Variants in NOC2L observed in about 807,000 individuals in gnomAD.
NOC2L encodes nucleolar complex protein 2 homolog.
NOC2L carries 101 observed loss-of-function variants against 94.2 expected under a neutral mutation model. That is an observed-to-expected ratio of 1.07 (90% CI 0.91 to 1.26). The LOEUF (loss-of-function observed/expected upper bound fraction) is 1.26. NOC2L is among the 50% of genes most tolerant of loss of function. NOC2L has a pLI of 0.00. For missense variants in NOC2L, 1,076 were observed against 980.1 expected (o/e 1.10, Z -1.31); for synonymous variants, 531 against 413.4 (o/e 1.28, Z -3.45).
chr1:945,112 C>T lies in NOC2L; in HGVS notation c.2088G>A (p.Val696=). The part of the protein sequence containing the change: ...ILRPLSTRHG[V]EDDEEDEEEG... ...CCTCCTCGTCCTCTTCATCGTCTTCCACCCCATGCCGAGTGCTCAGGGGCC... is the reference window on the plus strand; with the variant it reads ...CCTCCTCGTCCTCTTCATCGTCTTCTACCCCATGCCGAGTGCTCAGGGGCC... Residue 696 remains valine (V), a synonymous_variant, in exon 18 of 19, where the codon GTG becomes GTA. Coordinates refer to ENST00000327044, the MANE Select transcript of NOC2L (RefSeq NM_015658.4). 1 of 1,613,338 alleles carries T rather than the reference C, an allele frequency of 6.2e-7. No homozygotes were observed. Among genetic ancestry groups the T allele is most frequent in the Non-Finnish European group, 8.5e-7 (1 of 1,179,614 alleles).
At chr1:949,025 G>A (rs1436656644) in intron 12 of NOC2L, among the ~76,000 whole-genome samples, 1 of 116,626 alleles carries the variant, frequency 8.6e-6, no homozygotes, top group Non-Finnish European at 1.8e-5. Context: ...TCCGTCCCGA[G>A]CAACCAGAAG....
rs1297630125 is a variant in NOC2L at position 944,416 on chromosome 1, C to T, written c.*278G>A. 4.4e-6 allele frequency: 5 copies of T among 1,130,782 alleles called. No individual in the cohort carries two copies. In the South Asian group the frequency reaches 6.3e-5, roughly 14 times the overall value. 70.0% of individuals were successfully genotyped at this position (1,130,782 alleles called of 1,614,324 possible). ...GGGGCCTGCAGGCCTCCCCCTGGAA[C>T]TGGGACTGGTCTCGGTCTGCTGACG... is the stretch of plus-strand genomic sequence containing the variant. On this transcript the variant is annotated 3_prime_UTR_variant, in exon 19 of 19. Coordinates refer to ENST00000327044, the MANE Select transcript of NOC2L (RefSeq NM_015658.4).
rs780956686 is a variant in NOC2L at position 954,031 on chromosome 1, G to T, written c.750C>A (p.Ile250=). ...SPLWGKLRVD[I]KAYLGSAIQL... ...GTATGGCCGAGCCCAGGTAAGCCTT[G>T]ATGTCCACACGAAGCTTCCCCCAGA... Residue 250 remains isoleucine (I), a synonymous_variant, in exon 7 of 19, where the codon ATC becomes ATA. Coordinates refer to ENST00000327044, the MANE Select transcript of NOC2L (RefSeq NM_015658.4). 9 of 1,608,212 alleles carry T rather than the reference G, an allele frequency of 5.6e-6. No individual in the cohort carries two copies. Among genetic ancestry groups the T allele is most frequent in the Non-Finnish European group, 7.7e-6 (9 of 1,176,018 alleles).
chr1:955,550 G>C (rs562997591), intron 6 of NOC2L, among the ~76,000 whole-genome samples: 47 of 152,318 alleles, frequency 3.1e-4, no homozygotes, highest in South Asian at 4.1e-4. Flanking sequence ...CACAGCTCCA[G>C]GAAACAGGCC....
intron 14 of NOC2L, among the ~76,000 whole-genome samples, chr1:947,438 A>C (rs1245985743): frequency 6.6e-6 from 1 of 152,220 alleles, no homozygotes; most frequent in East Asian, 1.9e-4. Flanking sequence ...GGCTCATGTG[A>C]GCAGATCCCT....
Position 954,068 on chromosome 1 carries a change from G to C in NOC2L, c.713C>G (p.Ser238Cys). 2 of 1,611,292 alleles carry C rather than the reference G, an allele frequency of 1.2e-6. No homozygotes were observed. Among genetic ancestry groups the C allele is most frequent in the East Asian group, 4.5e-5 (2 of 44,806 alleles). Residue 238 changes from serine to cysteine, a missense_variant, in exon 7 of 19, where the codon TCC (serine) becomes TGC (cysteine). This residue lies in a region of NOC2L where 457 missense variants were observed against 386.0 expected (regional missense o/e 1.18). Transcript: ENST00000327044. ...AKDSSRMLQPSSSPLWGKLRV... is the reference protein window; with the variant it reads ...AKDSSRMLQPCSSPLWGKLRV... ...AAGCTTCCCCCAGAGCGGGCTGCTGGACGGCTGCAGCATCCTGCAGAGAGA... is the reference window on the plus strand; with the variant it reads ...AAGCTTCCCCCAGAGCGGGCTGCTGCACGGCTGCAGCATCCTGCAGAGAGA...
chr1:944,383 AG>A lies in NOC2L; in HGVS notation c.*310del, dbSNP rs1322262681. ...GCAGACGGAGGGCAGAGGTGGTGGAAGGGGCCAGGGGCCTGCAGGCCTCCCC... is the reference window on the plus strand; with the variant it reads ...GCAGACGGAGGGCAGAGGTGGTGGAAGGGCCAGGGGCCTGCAGGCCTCCCC... On this transcript the variant is annotated 3_prime_UTR_variant, in exon 19 of 19. Coordinates refer to ENST00000327044, the MANE Select transcript of NOC2L (RefSeq NM_015658.4). 2 of 1,297,978 alleles carry A rather than the reference AG, an allele frequency of 1.5e-6. No individual in the cohort carries two copies. The highest frequency in any genetic ancestry group is 2.0e-6 in the Non-Finnish European group (2 of 1,009,776). The allele number at this position is 1,297,978 out of a possible 1,614,324, so 80.4% of individuals were successfully genotyped here.
chr1:944,234 ATTTC>A lies in NOC2L; in HGVS notation c.*456_*459del, dbSNP rs1642011657. The A allele has an allele frequency of 2.1e-6, 3 of 1,458,106 alleles. No homozygotes were observed. Among genetic ancestry groups the A allele is most frequent in the Non-Finnish European group, 2.7e-6 (3 of 1,106,316 alleles). The allele number at this position is 1,458,106 out of a possible 1,614,324, so 90.3% of individuals were successfully genotyped here. A position where few individuals can be genotyped will look rare whatever the true frequency, so the allele number is the denominator to read the frequency against. ...CAATGGCCCTGCCTCCCACCGCTTT[ATTTC>A]TTTCGGTTTCGGATGCAAAACAAAA... On this transcript the variant is annotated 3_prime_UTR_variant, in exon 19 of 19. Coordinates refer to ENST00000327044, the MANE Select transcript of NOC2L (RefSeq NM_015658.4).
intron 4 of NOC2L, among the ~76,000 whole-genome samples, chr1:956,693 T>C (rs776987153): frequency 6.6e-6 from 1 of 152,172 alleles, no homozygotes; most frequent in African/African-American, 2.4e-5. Context: ...GTGTTGTCAC[T>C]TGCGCTGAAG....
At chr1:945,016 G>A in intron 18 of NOC2L, 41 bp downstream of exon 18, 1 of 1,613,478 alleles carries the variant, frequency 6.2e-7, no homozygotes. Context: ...CCCGCCAGAT[G>A]GGCTCACAGG....
chr1:952,710 AG>A, intron 9 of NOC2L, 110 bp from the exon 10 acceptor site: 1 of 1,102,868 alleles, frequency 9.1e-7, no homozygotes. Context: ...CTGGGCCTCG[AG>A]GAAGAGCCGT....
At chr1:957,373 C>G (rs1642440421) in intron 2 of NOC2L, 100 bp from the exon 3 acceptor site, 2 of 1,160,138 alleles carry the variant, frequency 1.7e-6, no homozygotes, top group Non-Finnish European at 2.4e-6. Context: ...GGGTTACCAA[C>G]TAGCAAGACA....
At position 953,858 on chromosome 1, in the gene NOC2L, G is replaced by C. The variant is rs3828049; in HGVS notation, c.812C>G (p.Ala271Gly). 1.5e-5 allele frequency: 24 copies of C among 1,613,008 alleles called. 1 individual carries two copies. Among genetic ancestry groups the C allele is most frequent in the South Asian group, 1.3e-4 (12 of 91,088 alleles). The change falls in exon 8 of 19, where the codon GCG (alanine) becomes GGG (glycine). Residue 271 changes from alanine to glycine, a missense_variant. Around this residue, in one of 3 missense-constraint regions of NOC2L, gnomAD observed 457 missense variants for 386.0 expected, o/e 1.18. Transcript: ENST00000327044. Reference protein sequence around the residue: ...VSCLSETTVLAAVLRHISVLV... With the variant: ...VSCLSETTVLGAVLRHISVLV... ...CACGCTGATGTGCCGCAGCACGGCC[G>C]CCAACACCGTCGTCTCCGACAGACA...
chr1:948,319 CG>C (rs1179010149), intron 13 of NOC2L, 87 bp from the exon 14 acceptor site: 16 of 1,216,068 alleles, frequency 1.3e-5, no homozygotes, highest in Non-Finnish European at 1.9e-5. Context: ...GTCAGGGCAG[CG>C]CCATCTCCAG....
In NOC2L at chr1:944,321, G is replaced by GA; in HGVS notation, c.*372dup. On this transcript the variant is annotated 3_prime_UTR_variant, in exon 19 of 19. Transcript: ENST00000327044. ...GGAACAAATTTTCAAAGACTTGGGG[G>GA]AGTGAAGGCAGAGCCTGGTGCAGAT... 7.2e-7 allele frequency: 1 copy of GA among 1,389,216 alleles called. No individual in the cohort carries two copies. The highest frequency in any genetic ancestry group is 9.3e-7 in the Non-Finnish European group (1 of 1,078,672). 86.1% of individuals were successfully genotyped at this position (1,389,216 alleles called of 1,614,324 possible).
intron 11 of NOC2L, among the ~76,000 whole-genome samples, chr1:951,734 A>G (rs1445184976): frequency 6.6e-6 from 1 of 152,234 alleles, no homozygotes; most frequent in Non-Finnish European, 1.5e-5. Flanking sequence ...ACTGCACACA[A>G]GCCCCCAGAA....
Position 952,524 on chromosome 1 carries a change from C to T in NOC2L, c.1079G>A (p.Trp360Ter). The T allele has an allele frequency of 6.2e-7, 1 of 1,613,958 alleles. No homozygotes were observed. The highest frequency in any genetic ancestry group is 8.5e-7 in the Non-Finnish European group (1 of 1,180,020). The change falls in exon 10 of 19, where the codon TGG (tryptophan) becomes TAG (stop). Residue 360 changes from tryptophan (W) to a stop codon, truncating the protein, a stop_gained. Transcript: ENST00000327044. LOFTEE classifies it high-confidence loss of function. ...CAGGGCCAGCAGCTCCGTCAAGGTC[C>T]ACTGCATGAAACTGATGAAGGGGAG... ...GALPFISFMQ[W>*]TLTELLALEP...
chr1:958,890 G>A (rs1642497823), intron 2 of NOC2L, 39 bp downstream of exon 2: 1 of 1,611,584 alleles, frequency 6.2e-7, no homozygotes, highest in South Asian at 1.1e-5. Context: ...GGTGGGACAG[G>A]ACGAGCAAGA....
Position 945,170 on chromosome 1 carries a change from A to G in NOC2L, c.2054-24T>C, listed in dbSNP as rs746933925. ...CCCTGAGGAACAAGAAGCAGAGTCC[A>G]TATGACTCCCACCCACAGGGTCCAC... is the stretch of plus-strand genomic sequence containing the variant. On this transcript the variant is annotated intron_variant, in intron 17 of 18. Coordinates refer to ENST00000327044, the MANE Select transcript of NOC2L (RefSeq NM_015658.4). The G allele has an allele frequency of 7.6e-6, 12 of 1,573,584 alleles. No homozygotes were observed. In the African/African-American group the frequency reaches 1.2e-4, roughly 16 times the overall value.
Sources: gnomAD v4.1 joint callset for allele counts (sites outside exome capture counted in the v4.1 genomes callset) on GRCh38, gnomAD v4.1.1 for gene constraint, gnomAD v4.1.1 regional missense constraint, MANE v1.5 for transcripts, NCBI Gene and HGNC (gene_info 2026-07-23, HGNC 2026-07-21) for gene names.